LTBP1: variants seen among roughly 807,000 people sequenced by gnomAD.
The protein encoded by LTBP1 is latent transforming growth factor beta binding protein 1.
Under a neutral mutation model 207.6 loss-of-function variants are expected in LTBP1, and 129 were observed. That is an observed-to-expected ratio of 0.62 (90% CI 0.54 to 0.72). The LOEUF (loss-of-function observed/expected upper bound fraction) is 0.72. Ranked by LOEUF, LTBP1 falls within the 30% of genes least tolerant of loss-of-function variation. The pLI is 0.00. For synonymous variants in LTBP1, 963 were observed against 833.7 expected, an observed-to-expected ratio of 1.16 and a Z score of -2.67; for missense variants, 2,281 against 2,217.2, an observed-to-expected ratio of 1.03 and a Z score of -0.58.
intron 5 of LTBP1, among the ~76,000 whole-genome samples, chr2:33,180,320 T>C (rs945098819): frequency 8.5e-5 from 13 of 152,320 alleles, no homozygotes; most frequent in African/African-American, 2.9e-4. Flanking sequence ...GGACTAGGCC[T>C]TCCTGGTTCC....
intron 2 of LTBP1, among the ~76,000 whole-genome samples, chr2:32,976,505 G>A (rs1681805012): frequency 6.6e-6 from 1 of 152,240 alleles, no homozygotes; most frequent in Non-Finnish European, 1.5e-5. Context: ...CACCATTTAA[G>A]AATGTTAGCC....
At chr2:32,951,373 C>T (rs1436692058) in intron 2 of LTBP1, among the ~76,000 whole-genome samples, 3 of 152,126 alleles carry the variant, frequency 2.0e-5, no homozygotes, top group Admixed American at 1.3e-4. Context: ...GGTCAGCGTG[C>T]GATCCAAAAT....
intron 5 of LTBP1, among the ~76,000 whole-genome samples, chr2:33,157,452 C>T (rs1353842355): frequency 6.6e-6 from 1 of 152,066 alleles, no homozygotes; most frequent in Admixed American, 6.6e-5. Flanking sequence ...AATGGGAAGC[C>T]CTTAGAGCTG....
chr2:33,051,634 C>G (rs1020024646), intron 3 of LTBP1, among the ~76,000 whole-genome samples: 3 of 152,132 alleles, frequency 2.0e-5, no homozygotes, highest in Non-Finnish European at 2.9e-5. Context: ...TTTCTGATGG[C>G]TCAGTTGCCC....
chr2:33,129,578 C>G (rs1385570994), intron 4 of LTBP1, among the ~76,000 whole-genome samples: 1 of 152,122 alleles, frequency 6.6e-6, no homozygotes, highest in Non-Finnish European at 1.5e-5. Context: ...TTCAAAAGTA[C>G]TTGAGAAATT....
intron 24 of LTBP1, among the ~76,000 whole-genome samples, chr2:33,337,371 T>C (rs2094564999): frequency 6.6e-6 from 1 of 152,352 alleles, no homozygotes; most frequent in South Asian, 2.1e-4. Flanking sequence ...TGCTACTTTT[T>C]AAATGAGCCA....
intron 2 of LTBP1, among the ~76,000 whole-genome samples, chr2:33,015,839 G>T (rs1688299866): frequency 6.6e-6 from 1 of 152,146 alleles, no homozygotes; most frequent in South Asian, 2.1e-4. Context: ...ATGACCAGAG[G>T]AGGAGGAAGA....
rs1030991980 is a variant in LTBP1 at position 32,967,578 on chromosome 2, A to G, written c.565+18633A>G. Reference sequence around the variant, plus strand: ...TCTCTTGAGATTTCCTCTTTGACCTATGCTTTGTTTAGAATTATGTTGCTG... The same window carrying G: ...TCTCTTGAGATTTCCTCTTTGACCTGTGCTTTGTTTAGAATTATGTTGCTG... On this transcript the variant is annotated intron_variant, in intron 2 of 33. Coordinates refer to ENST00000404816, the MANE Select transcript of LTBP1 (RefSeq NM_206943.4). 2.6e-5 allele frequency among the ~76,000 whole-genome samples: 4 copies of G among 152,240 alleles called. No homozygotes were observed. The South Asian group carries it at 6.2e-4, about 24-fold the overall frequency.
chr2:33,084,384 G>A (rs909574366), intron 3 of LTBP1, among the ~76,000 whole-genome samples: 2 of 152,160 alleles, frequency 1.3e-5, no homozygotes, highest in African/African-American at 4.8e-5. Flanking sequence ...GGGTTCTGGG[G>A]GTTGGGAAGG....
intron 19 of LTBP1, among the ~76,000 whole-genome samples, chr2:33,287,474 C>T (rs141558232): frequency 7.2e-5 from 11 of 152,248 alleles, no homozygotes; most frequent in African/African-American, 2.6e-4. Context: ...AGGAGAAAGC[C>T]ACATGGGCTG....
chr2:33,270,424 C>G (rs2093292885), intron 15 of LTBP1, among the ~76,000 whole-genome samples: 1 of 151,500 alleles, frequency 6.6e-6, no homozygotes. Flanking sequence ...CCCGTCTCTA[C>G]TAAAAATACA....
intron 3 of LTBP1, among the ~76,000 whole-genome samples, chr2:33,082,042 G>A (rs1478315213): frequency 6.6e-6 from 1 of 152,180 alleles, no homozygotes. Flanking sequence ...CATGAGAACA[G>A]ACTAATACAA....
At chr2:32,996,047 A>C (rs771684361) in intron 2 of LTBP1, among the ~76,000 whole-genome samples, 5 of 152,190 alleles carry the variant, frequency 3.3e-5, no homozygotes, top group Admixed American at 6.5e-5. Flanking sequence ...ATACGTATCG[A>C]TATAGTTACC....
chr2:33,251,880 C>T (rs188669095), intron 10 of LTBP1, among the ~76,000 whole-genome samples: 7 of 152,198 alleles, frequency 4.6e-5, no homozygotes, highest in African/African-American at 1.4e-4. Flanking sequence ...AGAAGATGAA[C>T]TTCTTGAAGG....
chr2:33,042,676 A>T (rs1034644691), intron 3 of LTBP1, among the ~76,000 whole-genome samples: 1 of 152,212 alleles, frequency 6.6e-6, no homozygotes, highest in African/African-American at 2.4e-5. Context: ...GGTTTCTGTC[A>T]CTGAAGATGA....
intron 3 of LTBP1, among the ~76,000 whole-genome samples, chr2:33,037,178 A>AG (rs1294206997): frequency 6.6e-6 from 1 of 151,906 alleles, no homozygotes; most frequent in African/African-American, 2.4e-5. Flanking sequence ...CTCTCATAAA[A>AG]AAAATTATAA....
At chr2:33,278,508 G>A (rs1424268233) in intron 18 of LTBP1, among the ~76,000 whole-genome samples, 1 of 152,176 alleles carries the variant, frequency 6.6e-6, no homozygotes, top group Non-Finnish European at 1.5e-5. Flanking sequence ...GGAGTCTATT[G>A]TAGTTTACAG....
At chr2:33,240,968 A>G (rs2092301100) in intron 9 of LTBP1, among the ~76,000 whole-genome samples, 1 of 152,172 alleles carries the variant, frequency 6.6e-6, no homozygotes, top group Non-Finnish European at 1.5e-5. Flanking sequence ...TCTTAATCAC[A>G]ATCTGGGTGG....
chr2:33,365,625 C>T (rs1242659658), intron 31 of LTBP1, 122 bp downstream of exon 31: 2 of 795,848 alleles, frequency 2.5e-6, no homozygotes, highest in African/African-American at 5.9e-5. Context: ...TACTTTCATC[C>T]CGTGTGTGTG....
Sources: gnomAD v4.1 joint callset for allele counts (sites outside exome capture counted in the v4.1 genomes callset) on GRCh38, gnomAD v4.1.1 for gene constraint, MANE v1.5 for transcripts, NCBI Gene and HGNC (gene_info 2026-07-23, HGNC 2026-07-21) for gene names.